The following KIT variants were observed in gnomAD, a reference collection of about 807,000 sequenced individuals.
KIT encodes KIT proto-oncogene, receptor tyrosine kinase, also known as mast/stem cell growth factor receptor Kit.
A neutral mutation model predicts 105.7 loss-of-function variants in KIT; 16 were observed. That is an observed-to-expected ratio of 0.15 (90% CI 0.10 to 0.23). The LOEUF is 0.23. Among genes scored for constraint, KIT ranks in the 10% least tolerant of loss-of-function variants. KIT has a pLI of 1.00. For missense variants in KIT, 858 were observed against 1,213.8 expected, an observed-to-expected ratio of 0.71 and a Z score of 4.36; for synonymous variants, 438 against 441.1, an observed-to-expected ratio of 0.99 and a Z score of 0.09.
intron 1 of KIT, among the ~76,000 whole-genome samples, chr4:54,676,794 C>T (rs1304863688): frequency 6.6e-6 from 1 of 152,144 alleles, no homozygotes; most frequent in Non-Finnish European, 1.5e-5. Context: ...GCACGCTGCA[C>T]CCCCAAAGGT....
At chr4:54,719,978 G>A (rs182876409) in intron 7 of KIT, among the ~76,000 whole-genome samples, 11 of 152,188 alleles carry the variant, frequency 7.2e-5, no homozygotes, top group Admixed American at 5.9e-4. Flanking sequence ...CCGAGGTGAG[G>A]CAAGAAAGGC....
intron 16 of KIT, among the ~76,000 whole-genome samples, chr4:54,732,682 T>C (rs772538824): frequency 6.6e-6 from 1 of 152,134 alleles, no homozygotes; most frequent in Non-Finnish European, 1.5e-5. Context: ...CCGTGTGTCC[T>C]TGGGAGATGT....
intron 5 of KIT, among the ~76,000 whole-genome samples, chr4:54,704,296 C>T (rs1720646063): frequency 6.6e-6 from 1 of 152,178 alleles, no homozygotes; most frequent in South Asian, 2.1e-4. Context: ...AGGGGCTGTG[C>T]CCCTTGGTTT....
intron 1 of KIT, among the ~76,000 whole-genome samples, chr4:54,682,090 C>CTTTTT (rs375084454): frequency 1.6e-5 from 2 of 129,004 alleles, no homozygotes; most frequent in African/African-American, 3.0e-5. Flanking sequence ...ACTGAATTTT[C>CTTTTT]TTTTTTTTTT....
intron 1 of KIT, among the ~76,000 whole-genome samples, chr4:54,665,117 G>A (rs976720243): frequency 1.3e-4 from 20 of 152,058 alleles, no homozygotes; most frequent in African/African-American, 4.8e-4. Context: ...CAGGTAACTC[G>A]CAAATGCAGA....
At chr4:54,666,737 G>C (rs1242388541) in intron 1 of KIT, among the ~76,000 whole-genome samples, 1 of 152,208 alleles carries the variant, frequency 6.6e-6, no homozygotes, top group Non-Finnish European at 1.5e-5. Flanking sequence ...GCCCTTTAAG[G>C]GCCTGCCTGA....
At chr4:54,732,933 G>A (rs1325773462) in intron 16 of KIT, 137 bp from the exon 17 acceptor site, 7 of 649,096 alleles carry the variant, frequency 1.1e-5, no homozygotes, top group Non-Finnish European at 1.8e-5. Flanking sequence ...TTTTATTTTT[G>A]GTGTACTGAA....
chr4:54,681,904 G>T (rs1319179170), intron 1 of KIT, among the ~76,000 whole-genome samples: 3 of 152,040 alleles, frequency 2.0e-5, no homozygotes, highest in Non-Finnish European at 2.9e-5. Flanking sequence ...GCTGGGCATG[G>T]TGGCGGAGGT....
chr4:54,658,144 G>C (rs938933849), intron 1 of KIT, 63 bp downstream of exon 1: 50 of 1,523,134 alleles, frequency 3.3e-5, no homozygotes, highest in Non-Finnish European at 4.3e-5. Flanking sequence ...GCCTGGGAGG[G>C]TGGTACCCGC....
intron 3 of KIT, among the ~76,000 whole-genome samples, chr4:54,699,064 T>G: frequency 6.6e-6 from 1 of 152,224 alleles, no homozygotes; most frequent in East Asian, 1.9e-4. Context: ...ATGTAGAATA[T>G]TTCGTTAGCT....
At chr4:54,662,448 C>G (rs528645635) in intron 1 of KIT, among the ~76,000 whole-genome samples, 132 of 152,262 alleles carry the variant, frequency 8.7e-4, no homozygotes, top group African/African-American at 2.9e-3. Context: ...AGAGTGGTGC[C>G]TCATAGTACA....
At chr4:54,677,751 G>T (rs1359877712) in intron 1 of KIT, among the ~76,000 whole-genome samples, 1 of 152,220 alleles carries the variant, frequency 6.6e-6, no homozygotes, top group East Asian at 1.9e-4. Flanking sequence ...GTAAAGGCAT[G>T]GAAGTTGCCC....
intron 1 of KIT, among the ~76,000 whole-genome samples, chr4:54,689,448 C>A (rs1719542688): frequency 6.6e-6 from 1 of 152,184 alleles, no homozygotes; most frequent in Admixed American, 6.5e-5. Context: ...ATAAGAGCTT[C>A]CAGGTCTTTC....
At chr4:54,688,165 T>C (rs2703488) in intron 1 of KIT, among the ~76,000 whole-genome samples, 76,477 of 152,010 alleles carry the variant, frequency 0.5, 19,651 homozygotes, top group African/African-American at 0.6. Context: ...CCCATCTGCA[T>C]GCTATTTCCA....
In KIT at chr4:54,738,856, G is replaced by C. The variant is rs185479436; in HGVS notation, c.*299G>C. Reference sequence around the variant, plus strand: ...ACTGGGGGCCAGAGTCCTTTCCAAGGCTTCTCCAATTCTGCCCAAAAATAT... The same window carrying C: ...ACTGGGGGCCAGAGTCCTTTCCAAGCCTTCTCCAATTCTGCCCAAAAATAT... On this transcript the variant is annotated 3_prime_UTR_variant, in exon 21 of 21. Coordinates refer to ENST00000288135, the MANE Select transcript of KIT (RefSeq NM_000222.3). 3.1e-3 allele frequency: 1,844 copies of C among 599,340 alleles called. 6 individuals carry two copies. The highest frequency in any genetic ancestry group is 3.7e-3 in the Non-Finnish European group (1,244 of 337,798). 37.1% of individuals were successfully genotyped at this position (599,340 alleles called of 1,614,324 possible). A position where few individuals can be genotyped will look rare whatever the true frequency, so the allele number is the denominator to read the frequency against.
At chr4:54,666,579 T>G (rs1268177264) in intron 1 of KIT, among the ~76,000 whole-genome samples, 2 of 147,412 alleles carry the variant, frequency 1.4e-5, no homozygotes, top group African/African-American at 4.9e-5. Flanking sequence ...CACCCGGCAA[T>G]TTTTTTTTTT....
intron 20 of KIT, among the ~76,000 whole-genome samples, 179 bp from the exon 21 acceptor site, chr4:54,738,250 A>G (rs536166056): frequency 6.6e-6 from 1 of 152,304 alleles, no homozygotes; most frequent in South Asian, 2.1e-4. Context: ...GAAGGGGGAA[A>G]ACAAAGCTTA....
intron 7 of KIT, among the ~76,000 whole-genome samples, chr4:54,709,985 T>G (rs192628365): frequency 6.6e-6 from 1 of 152,320 alleles, no homozygotes; most frequent in East Asian, 1.9e-4. Context: ...TTTAGATTGT[T>G]CTTCCACTGA....
At chr4:54,690,058 T>G (rs920356487) in intron 1 of KIT, among the ~76,000 whole-genome samples, 91 of 93,982 alleles carry the variant, frequency 9.7e-4, no homozygotes, top group East Asian at 2.9e-3. Context: ...TTTTTTTTTG[T>G]GGGGGGGGGG....
Sources: allele counts gnomAD v4.1 joint callset (sites outside exome capture counted in the v4.1 genomes callset), GRCh38; gene constraint gnomAD v4.1.1; transcripts MANE v1.5; gene names NCBI Gene and HGNC (gene_info 2026-07-23, HGNC 2026-07-21).